INPP4B: variants seen among roughly 807,000 people sequenced by gnomAD.
INPP4B encodes inositol polyphosphate 4-phosphatase type II.
INPP4B carries 55 observed loss-of-function variants against 122.5 expected under a neutral mutation model. That is an observed-to-expected ratio of 0.45 (90% CI 0.36 to 0.56). The LOEUF is 0.56. INPP4B is among the 20% of genes least tolerant of loss of function. The probability of loss-of-function intolerance (pLI) is 0.00; values close to 1 mark genes in which losing one functional copy is unlikely to be tolerated. For missense variants in INPP4B, 1,000 were observed against 1,097.7 expected (o/e 0.91, Z 1.26); for synonymous variants, 403 against 388.7 (o/e 1.04, Z -0.43).
chr4:142,537,927 T>C (rs1382083435), intron 2 of INPP4B, among the ~76,000 whole-genome samples: 4 of 151,994 alleles, frequency 2.6e-5, no homozygotes, highest in African/African-American at 9.7e-5. Context: ...GAGTAAGCAA[T>C]GGAAAACTGA....
chr4:142,263,165 A>G (rs1459097503), intron 10 of INPP4B, among the ~76,000 whole-genome samples: 1 of 152,190 alleles, frequency 6.6e-6, no homozygotes, highest in African/African-American at 2.4e-5. Context: ...CCTGACAGGA[A>G]GCTGATCATC....
chr4:142,384,403 T>C (rs1795240796), intron 7 of INPP4B, among the ~76,000 whole-genome samples: 1 of 152,214 alleles, frequency 6.6e-6, no homozygotes, highest in Admixed American at 6.5e-5. Flanking sequence ...GCCTACTACA[T>C]ACTTAGGCTT....
chr4:142,082,113 T>C lies in INPP4B; in HGVS notation c.2560A>G (p.Thr854Ala). ...CTCAAGATTGAGCATTGTTCAAGTG[T>C]CACTGACATCGATGTCCTGTCTTTG... ...SAKDRTSMSV[T>A]LEQCSILRDE... Residue 854 changes from threonine to alanine, a missense_variant, in exon 25 of 26, where the codon ACA (threonine) becomes GCA (alanine). Physicochemically the swap from Thr to Ala is moderately conservative, Grantham distance 58 (BLOSUM62 0). Transcript: ENST00000262992. 6.5e-7 allele frequency: 1 copy of C among 1,527,924 alleles called. No homozygotes were observed. Among genetic ancestry groups the C allele is most frequent in the South Asian group, 1.3e-5 (1 of 79,258 alleles). The allele number at this position is 1,527,924 out of a possible 1,614,324, so 94.6% of individuals were successfully genotyped here. A position where few individuals can be genotyped will look rare whatever the true frequency, so the allele number is the denominator to read the frequency against.
At chr4:142,215,892 C>CAAAAAAAAAAAAA (rs200657873) in intron 12 of INPP4B, among the ~76,000 whole-genome samples, 2 of 54,576 alleles carry the variant, frequency 3.7e-5, no homozygotes, top group African/African-American at 1.5e-4. Context: ...GACTCTGTCT[C>CAAAAAAAAAAAAA]AAAAAAAAAA....
chr4:142,304,853 T>G (rs2151180661), intron 9 of INPP4B, among the ~76,000 whole-genome samples: 1 of 152,294 alleles, frequency 6.6e-6, no homozygotes, highest in African/African-American at 2.4e-5. Context: ...AAAGAAAAAT[T>G]TATTTTATTT....
At chr4:142,468,421 A>C (rs1818214812) in intron 2 of INPP4B, among the ~76,000 whole-genome samples, 1 of 152,154 alleles carries the variant, frequency 6.6e-6, no homozygotes, top group Non-Finnish European at 1.5e-5. Flanking sequence ...GTAAGTCAGC[A>C]AATTCTGCAA....
At chr4:142,718,887 A>G (rs1163804968) in intron 2 of INPP4B, among the ~76,000 whole-genome samples, 1 of 152,198 alleles carries the variant, frequency 6.6e-6, no homozygotes, top group Non-Finnish European at 1.5e-5. Context: ...CTCAAATATA[A>G]CAACTTCAGT....
intron 1 of INPP4B, among the ~76,000 whole-genome samples, chr4:142,845,221 C>A (rs1319157239): frequency 6.6e-6 from 1 of 152,098 alleles, no homozygotes; most frequent in East Asian, 1.9e-4. Context: ...ACTGCTGGGC[C>A]CCTCTCCACC....
intron 2 of INPP4B, among the ~76,000 whole-genome samples, chr4:142,561,797 C>T (rs1331497467): frequency 3.3e-5 from 5 of 152,126 alleles, no homozygotes; most frequent in East Asian, 1.9e-4. Context: ...AATTCAATAT[C>T]GAATTCAATA....
intron 17 of INPP4B, among the ~76,000 whole-genome samples, chr4:142,155,133 T>C (rs551366367): frequency 6.6e-6 from 1 of 152,030 alleles, no homozygotes; most frequent in Non-Finnish European, 1.5e-5. Context: ...AACCAAGCTA[T>C]AAGGTGTTGC....
At chr4:142,239,739 T>C (rs1393329730) in intron 11 of INPP4B, among the ~76,000 whole-genome samples, 1 of 152,120 alleles carries the variant, frequency 6.6e-6, no homozygotes, top group Non-Finnish European at 1.5e-5. Flanking sequence ...TCTAACATGG[T>C]TAGGAATAAG....
chr4:142,058,623 T>C (rs1390263944), intron 25 of INPP4B, among the ~76,000 whole-genome samples: 1 of 152,054 alleles, frequency 6.6e-6, no homozygotes, highest in East Asian at 1.9e-4. Context: ...TACTCAGAAA[T>C]GGGAAGGGTT....
intron 2 of INPP4B, among the ~76,000 whole-genome samples, chr4:142,689,797 C>A (rs780807143): frequency 1.6e-4 from 25 of 152,152 alleles, no homozygotes; most frequent in Non-Finnish European, 3.2e-4. Context: ...TTCTGCCGTA[C>A]ATAAATATGC....
At chr4:142,172,928 T>C (rs988455413) in intron 16 of INPP4B, among the ~76,000 whole-genome samples, 87 of 152,110 alleles carry the variant, frequency 5.7e-4, no homozygotes, top group African/African-American at 2.0e-3. Flanking sequence ...TGGTTTTACA[T>C]TGAAAATCAA....
intron 2 of INPP4B, among the ~76,000 whole-genome samples, chr4:142,592,443 C>A (rs1737702040): frequency 6.6e-6 from 1 of 152,012 alleles, no homozygotes; most frequent in Non-Finnish European, 1.5e-5. Context: ...ATAAAAAACT[C>A]TTATTTTTCT....
rs554114454 is a variant in INPP4B, at chr4:142,726,779, A to G, written c.-253-878T>C. 8.2e-4 allele frequency among the ~76,000 whole-genome samples: 125 copies of G among 152,350 alleles called. 1 individual carries two copies. Among genetic ancestry groups the G allele is most frequent in the South Asian group, 6.2e-3 (30 of 4,834 alleles). Reference sequence around the variant, plus strand: ...ATAGTGATATAACTGCAATCACTACATCTTACCAACTGTGTATTTTGGACA... The same window carrying G: ...ATAGTGATATAACTGCAATCACTACGTCTTACCAACTGTGTATTTTGGACA... On this transcript the variant is annotated intron_variant, in intron 1 of 25. Coordinates refer to ENST00000262992, the MANE Select transcript of INPP4B (RefSeq NM_001101669.3).
chr4:142,130,387 A>G (rs1800697540), intron 18 of INPP4B, among the ~76,000 whole-genome samples: 5 of 152,184 alleles, frequency 3.3e-5, no homozygotes, highest in Admixed American at 3.3e-4. Flanking sequence ...ACAGAAGTAA[A>G]TGTTAAGCTG....
intron 2 of INPP4B, among the ~76,000 whole-genome samples, chr4:142,537,127 G>C (rs1828295007): frequency 6.6e-6 from 1 of 151,938 alleles, no homozygotes; most frequent in Non-Finnish European, 1.5e-5. Context: ...CAGCAAGTGT[G>C]ATTCATAGGT....
chr4:142,029,088 C>T, intron 25 of INPP4B, 174 bp from the exon 26 acceptor site: 1 of 1,365,990 alleles, frequency 7.3e-7, no homozygotes, highest in Non-Finnish European at 9.4e-7. Flanking sequence ...CTAGGCCAGG[C>T]CCAATACCAT....
Sources: gnomAD v4.1 joint callset for allele counts (sites outside exome capture counted in the v4.1 genomes callset) on GRCh38, gnomAD v4.1.1 for gene constraint, MANE v1.5 for transcripts, NCBI Gene and HGNC (gene_info 2026-07-23, HGNC 2026-07-21) for gene names.